The following SLIT2 variants were observed in gnomAD, a reference collection of about 807,000 sequenced individuals.
SLIT2 encodes slit guidance ligand 2.
A neutral mutation model predicts 185.7 loss-of-function variants in SLIT2; 41 were observed. The ratio of observed to expected loss-of-function variants is 0.22; its 90% confidence interval spans 0.17 to 0.29. SLIT2 has a LOEUF of 0.29. SLIT2 is among the 10% of genes least tolerant of loss of function. The pLI is 1.00. For synonymous variants in SLIT2, 693 were observed against 680.2 expected (o/e 1.02, Z -0.29); for missense variants, 1,571 against 1,909.0 (o/e 0.82, Z 3.30).
chr4:20,472,294 A>ATATATC (rs377119024), intron 5 of SLIT2, among the ~76,000 whole-genome samples: 1 of 37,244 alleles, frequency 2.7e-5, no homozygotes, highest in East Asian at 8.9e-4. Context: ...ATAGATATAT[A>ATATATC]GATATATAGA....
intron 9 of SLIT2, among the ~76,000 whole-genome samples, chr4:20,498,160 G>A (rs1023847567): frequency 2.6e-5 from 4 of 152,190 alleles, no homozygotes; most frequent in South Asian, 2.1e-4. Context: ...GCAACAGAGC[G>A]AGGCTCCGTC....
intron 4 of SLIT2, among the ~76,000 whole-genome samples, chr4:20,424,188 A>G (rs377328610): frequency 6.6e-6 from 1 of 152,292 alleles, no homozygotes; most frequent in Non-Finnish European, 1.5e-5. Context: ...TGATCAAGTT[A>G]GTACAAACTA....
chr4:20,459,591 A>G (rs1713469548), intron 4 of SLIT2, among the ~76,000 whole-genome samples: 1 of 152,076 alleles, frequency 6.6e-6, no homozygotes, highest in African/African-American at 2.4e-5. Context: ...CCACCATGAT[A>G]CAAAGACTTT....
chr4:20,518,854 C>A (rs1463384961), intron 11 of SLIT2, among the ~76,000 whole-genome samples: 1 of 151,084 alleles, frequency 6.6e-6, no homozygotes, highest in Non-Finnish European at 1.5e-5. Flanking sequence ...GATCCGCCCG[C>A]CTCGGCCTCC....
At chr4:20,550,506 A>G (rs953754674) in intron 24 of SLIT2, among the ~76,000 whole-genome samples, 1 of 151,828 alleles carries the variant, frequency 6.6e-6, no homozygotes, top group Admixed American at 6.6e-5. Context: ...CTTTTCCTTG[A>G]TGGTTTCTGG....
intron 4 of SLIT2, among the ~76,000 whole-genome samples, chr4:20,395,621 T>C (rs1364613247): frequency 6.6e-6 from 1 of 151,914 alleles, no homozygotes; most frequent in Non-Finnish European, 1.5e-5. Flanking sequence ...ATAAATAGTA[T>C]ACCAAAAAAG....
chr4:20,457,231 C>T (rs760173832), intron 4 of SLIT2, among the ~76,000 whole-genome samples: 13 of 151,944 alleles, frequency 8.6e-5, no homozygotes, highest in Non-Finnish European at 1.8e-4. Flanking sequence ...AGGGAAATTT[C>T]AGCTCTTATG....
chr4:20,545,332 T>C (rs1723151448), intron 21 of SLIT2, among the ~76,000 whole-genome samples: 1 of 152,068 alleles, frequency 6.6e-6, no homozygotes, highest in Non-Finnish European at 1.5e-5. Context: ...ATAATAGATA[T>C]AACTTCAGGC....
chr4:20,473,002 A>C (rs1235952435), intron 5 of SLIT2, among the ~76,000 whole-genome samples: 2 of 151,844 alleles, frequency 1.3e-5, no homozygotes, highest in African/African-American at 4.8e-5. Flanking sequence ...ACAAAAACAA[A>C]ATCTAATTTA....
chr4:20,321,218 G>A (rs1325017117), intron 4 of SLIT2, among the ~76,000 whole-genome samples: 1 of 152,138 alleles, frequency 6.6e-6, no homozygotes, highest in Non-Finnish European at 1.5e-5. Flanking sequence ...TGCTGTTTCT[G>A]TTAATGATCC....
rs575265838 is a variant in SLIT2 at position 20,497,744 on chromosome 4, C to T, written c.914+5845C>T. Among the ~76,000 whole-genome samples, 24 of 152,316 alleles carry T rather than the reference C, an allele frequency of 1.6e-4. 1 individual carries two copies. The highest frequency in any genetic ancestry group is 5.8e-4 in the African/African-American group (24 of 41,570). ...CAGACTGGGTAAAGGTAGACCATGA[C>T]TTTCCCTCACCATTTCTGCCCCAAT... On this transcript the variant is annotated intron_variant, in intron 9 of 36. Coordinates refer to ENST00000504154, the MANE Select transcript of SLIT2 (RefSeq NM_004787.4).
Position 20,550,816 on chromosome 4 carries a change from C to A in SLIT2, c.2490-11C>A, listed in dbSNP as rs767567262. ...TATAGGAAGTTTAATTTTTCTTTTT[C>A]TTTCTTTTAGTTCTCTACATGGAAA... On this transcript the variant is annotated splice_polypyrimidine_tract_variant and intron_variant, in intron 24 of 36. Transcript: ENST00000504154. 4 of 1,577,306 alleles carry A rather than the reference C, an allele frequency of 2.5e-6. No homozygotes were observed. Among genetic ancestry groups the A allele is most frequent in the Non-Finnish European group, 3.5e-6 (4 of 1,152,914 alleles).
chr4:20,366,608 T>C (rs906017566), intron 4 of SLIT2, among the ~76,000 whole-genome samples: 2 of 152,074 alleles, frequency 1.3e-5, no homozygotes, highest in African/African-American at 2.4e-5. Context: ...TTACCTGTCA[T>C]CATTCATTGC....
rs145638495 is a variant in SLIT2 at position 20,461,973 on chromosome 4, G to A, written c.396-5779G>A. 2.1e-4 allele frequency among the ~76,000 whole-genome samples: 32 copies of A among 152,216 alleles called. 1 individual carries two copies. Among genetic ancestry groups the A allele is most frequent in the Non-Finnish European group, 1.5e-5 (1 of 68,010 alleles). ...CCATGGCAGTGGAGAATGGAGAAAGGGACTTGACTGGGGACACTGCTGGGG... is the reference window on the plus strand; with the variant it reads ...CCATGGCAGTGGAGAATGGAGAAAGAGACTTGACTGGGGACACTGCTGGGG... On this transcript the variant is annotated intron_variant, in intron 4 of 36. Coordinates refer to ENST00000504154, the MANE Select transcript of SLIT2 (RefSeq NM_004787.4).
intron 4 of SLIT2, among the ~76,000 whole-genome samples, chr4:20,413,098 G>A (rs1474182210): frequency 6.6e-6 from 1 of 152,038 alleles, no homozygotes; most frequent in Non-Finnish European, 1.5e-5. Context: ...CCTGATTCAT[G>A]AAAATGAATG....
intron 4 of SLIT2, among the ~76,000 whole-genome samples, chr4:20,464,821 C>CT (rs1714161251): frequency 1.3e-5 from 2 of 151,932 alleles, no homozygotes; most frequent in South Asian, 4.1e-4. Context: ...TGCTTTCTTG[C>CT]TTTTTTTGAC....
intron 5 of SLIT2, among the ~76,000 whole-genome samples, chr4:20,469,528 G>A (rs569547890): frequency 5.5e-4 from 84 of 152,112 alleles, no homozygotes; most frequent in African/African-American, 2.0e-3. Flanking sequence ...TCTATCTAAT[G>A]GGATGTTGAT....
intron 7 of SLIT2, among the ~76,000 whole-genome samples, 172 bp from the exon 8 acceptor site, chr4:20,488,647 A>G (rs1269802388): frequency 6.6e-6 from 1 of 152,256 alleles, no homozygotes; most frequent in Non-Finnish European, 1.5e-5. Flanking sequence ...AGTTCAGACT[A>G]AATGAAGAGA....
chr4:20,350,284 C>G (rs1560342240), intron 4 of SLIT2, among the ~76,000 whole-genome samples: 1 of 151,356 alleles, frequency 6.6e-6, no homozygotes, highest in Non-Finnish European at 1.5e-5. Context: ...ACGCTTTTCT[C>G]CTTGCTTTTT....
Sources: allele counts gnomAD v4.1 joint callset (sites outside exome capture counted in the v4.1 genomes callset), GRCh38; gene constraint gnomAD v4.1.1; transcripts MANE v1.5; gene names NCBI Gene and HGNC (gene_info 2026-07-23, HGNC 2026-07-21).